BTD: variants seen among roughly 807,000 people sequenced by gnomAD.
BTD encodes biotinidase, also known as biocytinase.
A neutral mutation model predicts 17.7 loss-of-function variants in BTD; 13 were observed. The ratio of observed to expected loss-of-function variants is 0.74; its 90% confidence interval spans 0.48 to 1.17. The LOEUF is 1.17. Ranked by LOEUF, BTD falls within the 50% of genes most tolerant of loss-of-function variation. The pLI, the probability that BTD is intolerant of heterozygous loss-of-function variation, is 0.00. For missense variants in BTD, 674 were observed against 650.4 expected (o/e 1.04, Z -0.39); for synonymous variants, 240 against 245.2 (o/e 0.98, Z 0.20).
At chr3:15,686,020 C>T (rs2068084406) in intron 3 of BTD, 2 of 1,613,562 alleles carry the variant, frequency 1.2e-6, no homozygotes, top group Non-Finnish European at 1.7e-6. Context: ...GCAACGCTGT[C>T]CTTCCCCACT....
intron 3 of BTD, among the ~76,000 whole-genome samples, chr3:15,663,698 T>G (rs1381488534): frequency 6.6e-6 from 1 of 151,976 alleles, no homozygotes; most frequent in Non-Finnish European, 1.5e-5. Context: ...AGTTGTGTCC[T>G]TTTTTTTCCC....
chr3:15,654,800 T>C (rs1384826070), downstream of BTD, among the ~76,000 whole-genome samples: 2 of 152,048 alleles, frequency 1.3e-5, no homozygotes, highest in South Asian at 4.1e-4. Flanking sequence ...AATGGCATGA[T>C]CTTGGCTCAC....
chr3:15,666,254 C>G (rs1183801780), intron 3 of BTD, among the ~76,000 whole-genome samples: 1 of 152,184 alleles, frequency 6.6e-6, no homozygotes, highest in Non-Finnish European at 1.5e-5. Context: ...TGTGTCTCAA[C>G]TTCAAAATCA....
intron 3 of BTD, chr3:15,694,872 C>T (rs2069312922): frequency 6.7e-7 from 1 of 1,494,914 alleles, no homozygotes; most frequent in Non-Finnish European, 9.3e-7. Context: ...TTATTCTCTC[C>T]CACCCACCCA....
At chr3:15,643,021 C>A in intron 3 of BTD, among the ~76,000 whole-genome samples, 1 of 135,334 alleles carries the variant, frequency 7.4e-6, no homozygotes. Flanking sequence ...GAGCAAAACT[C>A]TGCCTCAAAA....
chr3:15,656,752 T>A (rs1319648821), downstream of BTD, among the ~76,000 whole-genome samples: 1 of 152,224 alleles, frequency 6.6e-6, no homozygotes, highest in East Asian at 1.9e-4. Context: ...TTGTTTAATA[T>A]GTTTAGATTT....
chr3:15,684,963 AAAAAG>A (rs752866830), intron 3 of BTD: 94 of 421,366 alleles, frequency 2.2e-4, no homozygotes, highest in East Asian at 5.4e-4. Context: ...ACCAAAACTA[AAAAAG>A]AAAAGAAAAG....
intron 3 of BTD, chr3:15,694,905 T>G: frequency 8.2e-7 from 1 of 1,222,904 alleles, no homozygotes; most frequent in South Asian, 1.3e-5. Flanking sequence ...CTTAGAGTAT[T>G]ATTTGGCAAC....
intron 3 of BTD, among the ~76,000 whole-genome samples, chr3:15,666,041 G>C (rs569168332): frequency 6.6e-6 from 1 of 152,278 alleles, no homozygotes; most frequent in African/African-American, 2.4e-5. Flanking sequence ...TGAAATGTAA[G>C]AAGACATCAT....
chr3:15,643,966 T>TTAA (rs2065611218), intron 3 of BTD, among the ~76,000 whole-genome samples: 37 of 105,324 alleles, frequency 3.5e-4, no homozygotes, highest in Middle Eastern at 5.3e-3. Flanking sequence ...AACTCATTTA[T>TTAA]TTAATTTATT....
intron 3 of BTD, chr3:15,677,028 A>G: frequency 6.2e-7 from 1 of 1,613,350 alleles, no homozygotes; most frequent in Non-Finnish European, 8.5e-7. Flanking sequence ...TATCTTTTCC[A>G]GTATTAACAA....
intron 3 of BTD, chr3:15,689,690 T>C: frequency 5.0e-6 from 1 of 198,696 alleles, no homozygotes; most frequent in Non-Finnish European, 1.0e-5. Context: ...TTTTATTTCC[T>C]TTTTCACACA....
At chr3:15,714,667 A>G (rs777693211), downstream of BTD, 6 of 1,571,150 alleles carry the variant, frequency 3.8e-6, no homozygotes, top group Non-Finnish European at 4.3e-6. Context: ...CTGGGGGGGG[A>G]AGAAAAAAAT....
At chr3:15,622,389 TA>T (rs2064972331) in intron 1 of BTD, among the ~76,000 whole-genome samples, 1 of 152,262 alleles carries the variant, frequency 6.6e-6, no homozygotes, top group Admixed American at 6.5e-5. Context: ...ATTTTTAGTT[TA>T]ATTCTACTGT....
intron 1 of BTD, among the ~76,000 whole-genome samples, chr3:15,619,735 C>G (rs552602150): frequency 2.0e-5 from 3 of 152,230 alleles, no homozygotes; most frequent in Admixed American, 2.0e-4. Flanking sequence ...GAGAACCCAC[C>G]CCCAATATTT....
intron 1 of BTD, among the ~76,000 whole-genome samples, chr3:15,603,589 A>G (rs1030603938): frequency 5.9e-5 from 9 of 152,290 alleles, no homozygotes; most frequent in African/African-American, 2.2e-4. Flanking sequence ...CCCGGGAGGC[A>G]GAGCTTGCAG....
At position 15,602,263 on chromosome 3, in the gene BTD, C is replaced by T. The variant is rs1421365831; in HGVS notation, c.-17+369C>T. 11 of 1,249,560 alleles carry T rather than the reference C, an allele frequency of 8.8e-6. No homozygotes were observed. The Admixed American group carries it at 1.5e-4, about 17-fold the overall frequency. The allele number at this position is 1,249,560 out of a possible 1,614,324, so 77.4% of individuals were successfully genotyped here. ...TGAGATCCTGAATCCTGTTTCCTAC[C>T]CACTATTCAGCCATTGGGTCACAAG... On this transcript the variant is annotated intron_variant, in intron 1 of 3. Coordinates refer to ENST00000643237, the MANE Select transcript of BTD (RefSeq NM_001370658.1).
At chr3:15,640,780 A>G (rs1275558771) in intron 2 of BTD, among the ~76,000 whole-genome samples, 1 of 152,234 alleles carries the variant, frequency 6.6e-6, no homozygotes, top group Non-Finnish European at 1.5e-5. Flanking sequence ...ACATGTATAC[A>G]GAGAGAAAAA....
In BTD at chr3:15,644,829, A is replaced by G; in HGVS notation, c.913A>G (p.Met305Val). Reference sequence around the variant, plus strand: ...TCTGGAGTCCTTTTGGTACCATGACATGGAAAATCCCAAAAGTCACCTTAT... The same window carrying G: ...TCTGGAGTCCTTTTGGTACCATGACGTGGAAAATCCCAAAAGTCACCTTAT... The part of the protein sequence containing the change: ...TPLESFWYHD[M>V]ENPKSHLIIA... The change falls in exon 4 of 4, where the codon ATG (methionine) becomes GTG (valine). Residue 305 changes from methionine to valine, a missense_variant. By Grantham distance (21) the Met-to-Val change is conservative. Transcript: ENST00000643237. The G allele has an allele frequency of 1.2e-6, 2 of 1,614,200 alleles. No homozygotes were observed. The highest frequency in any genetic ancestry group is 2.2e-5 in the South Asian group (2 of 91,082).
Sources: allele counts gnomAD v4.1 joint callset (sites outside exome capture counted in the v4.1 genomes callset), GRCh38; gene constraint gnomAD v4.1.1; transcripts MANE v1.5; gene names NCBI Gene and HGNC (gene_info 2026-07-23, HGNC 2026-07-21).